TASP1: variants seen among roughly 807,000 people sequenced by gnomAD.
TASP1 encodes threonine aspartase 1.
TASP1 carries 16 observed loss-of-function variants against 56.6 expected under a neutral mutation model. That is an observed-to-expected ratio of 0.28 (90% CI 0.19 to 0.43). TASP1 has a LOEUF of 0.43. Among genes scored for constraint, TASP1 ranks in the 20% least tolerant of loss-of-function variants. The pLI, the probability that TASP1 is intolerant of heterozygous loss-of-function variation, is 1.00. For synonymous variants in TASP1, 179 were observed against 184.2 expected (o/e 0.97, Z 0.23); for missense variants, 393 against 511.6 (o/e 0.77, Z 2.24).
At chr20:13,404,938 A>G (rs73901157) in intron 13 of TASP1, among the ~76,000 whole-genome samples, 4,361 of 152,268 alleles carry the variant, frequency 0.029, 202 homozygotes, top group African/African-American at 0.097. Context: ...TCTTAATACC[A>G]CAAAGCCACC....
At chr20:13,252,936 C>T in the TASP1 span, among the ~76,000 whole-genome samples, 1 of 152,150 alleles carries the variant, frequency 6.6e-6, no homozygotes, top group Non-Finnish European at 1.5e-5. Context: ...CCCAGCCCCC[C>T]CTCTCAGATC....
At chr20:13,156,148 G>T in the TASP1 span, among the ~76,000 whole-genome samples, 1 of 152,056 alleles carries the variant, frequency 6.6e-6, no homozygotes, top group Admixed American at 6.5e-5. Context: ...TCCAAACTTG[G>T]CTCAGGTTTA....
At chr20:13,374,155 T>C in the TASP1 span, among the ~76,000 whole-genome samples, 2 of 152,334 alleles carry the variant, frequency 1.3e-5, no homozygotes, top group Middle Eastern at 3.4e-3. Context: ...ATACTGTACT[T>C]CTTTAAGCAT....
At chr20:13,441,789 A>T (rs2043220947) in intron 11 of TASP1, among the ~76,000 whole-genome samples, 1 of 152,182 alleles carries the variant, frequency 6.6e-6, no homozygotes, top group Admixed American at 6.5e-5. Flanking sequence ...GTGACAGTGG[A>T]GGCTGTCTAC....
At chr20:13,559,497 T>G (rs1439467793) in intron 7 of TASP1, among the ~76,000 whole-genome samples, 1 of 152,016 alleles carries the variant, frequency 6.6e-6, no homozygotes, top group Non-Finnish European at 1.5e-5. Context: ...GGAGAAAGTC[T>G]CAATGGTTGA....
chr20:13,168,816 A>G, the TASP1 span: 1 of 152,188 alleles, frequency 6.6e-6, no homozygotes, highest in East Asian at 1.9e-4. Context: ...AGTAAGAACA[A>G]TTTGAAGTCT....
chr20:13,516,162 G>T (rs1568534477), intron 10 of TASP1, among the ~76,000 whole-genome samples: 1 of 152,060 alleles, frequency 6.6e-6, no homozygotes, highest in Non-Finnish European at 1.5e-5. Context: ...ACAGCCCTGT[G>T]CCATAAAAGG....
At chr20:13,244,703 A>G in the TASP1 span, among the ~76,000 whole-genome samples, 36,706 of 152,162 alleles carry the variant, frequency 0.24, 4,543 homozygotes, top group African/African-American at 0.3. Flanking sequence ...GGTTTTGACC[A>G]CATTTTCTAT....
the TASP1 span, among the ~76,000 whole-genome samples, chr20:13,351,759 T>C: frequency 6.6e-6 from 1 of 152,316 alleles, no homozygotes; most frequent in Non-Finnish European, 1.5e-5. Context: ...CATGAAAATG[T>C]CAATTTTGCT....
chr20:13,288,569 C>A, the TASP1 span: 1 of 1,613,984 alleles, frequency 6.2e-7, no homozygotes, highest in Non-Finnish European at 8.5e-7. Context: ...TGACTGGAGT[C>A]TCTGGTCTGT....
chr20:13,218,566 A>T, the TASP1 span, among the ~76,000 whole-genome samples: 33 of 152,248 alleles, frequency 2.2e-4, no homozygotes, highest in Non-Finnish European at 4.0e-4. Context: ...AGTAATAACG[A>T]TATGAATAGG....
At chr20:13,630,442 AC>A (rs2049040748) in intron 1 of TASP1, among the ~76,000 whole-genome samples, 1 of 152,080 alleles carries the variant, frequency 6.6e-6, no homozygotes, top group Non-Finnish European at 1.5e-5. Flanking sequence ...TAATCCCAGC[AC>A]TTTGGGAGGC....
chr20:13,157,216 T>C, the TASP1 span, among the ~76,000 whole-genome samples: 1 of 150,618 alleles, frequency 6.6e-6, no homozygotes. Flanking sequence ...GGCAGATGGA[T>C]CACCTGAGGT....
At position 13,410,491 on chromosome 20, in the gene TASP1, C is replaced by T. The variant is rs142424151; in HGVS notation, c.1170+6957G>A. Among the ~76,000 whole-genome samples, 173 of 152,192 alleles carry T rather than the reference C, an allele frequency of 1.1e-3. 1 individual carries two copies. The highest frequency in any genetic ancestry group is 3.4e-3 in the Middle Eastern group (1 of 294). On this transcript the variant is annotated intron_variant, in intron 13 of 13. Coordinates refer to ENST00000337743, the MANE Select transcript of TASP1 (RefSeq NM_017714.3). Reference sequence around the variant, plus strand: ...TTTTCTGCATCCTCACCAGGACCTGCTATATTTTGTCTTTTTAATAACTGC... The same window carrying T: ...TTTTCTGCATCCTCACCAGGACCTGTTATATTTTGTCTTTTTAATAACTGC...
rs972790596 is a variant in TASP1, at chr20:13,603,017, G to C, written c.283-15647C>G. Among the ~76,000 whole-genome samples, 2 of 151,720 alleles carry C rather than the reference G, an allele frequency of 1.3e-5. 1 individual carries two copies. The highest frequency in any genetic ancestry group is 4.8e-5 in the African/African-American group (2 of 41,278). Reference sequence around the variant, plus strand: ...AGGCCGAGGCAGGTGGATCACCTGAGGTCAGGAGTTCAAGACCAGCCTGGT... The same window carrying C: ...AGGCCGAGGCAGGTGGATCACCTGACGTCAGGAGTTCAAGACCAGCCTGGT... On this transcript the variant is annotated intron_variant, in intron 4 of 13. Transcript: ENST00000337743.
intron 8 of TASP1, among the ~76,000 whole-genome samples, chr20:13,552,654 G>A (rs2046018507): frequency 6.6e-6 from 1 of 152,112 alleles, no homozygotes; most frequent in African/African-American, 2.4e-5. Context: ...CACTGAAAGA[G>A]CAAAAGGTAG....
intron 2 of TASP1, among the ~76,000 whole-genome samples, chr20:13,625,741 G>A (rs1209194344): frequency 6.6e-6 from 1 of 152,192 alleles, no homozygotes; most frequent in Admixed American, 6.5e-5. Flanking sequence ...CATCTCGCAT[G>A]TCCACAACCA....
At chr20:13,284,184 C>T in the TASP1 span, among the ~76,000 whole-genome samples, 1 of 152,246 alleles carries the variant, frequency 6.6e-6, no homozygotes, top group Non-Finnish European at 1.5e-5. Context: ...AATCGGTAGA[C>T]ACTGTCATCT....
At chr20:13,115,418 C>T in the TASP1 span, among the ~76,000 whole-genome samples, 2 of 152,046 alleles carry the variant, frequency 1.3e-5, no homozygotes, top group African/African-American at 4.8e-5. Flanking sequence ...CTAGACCAGC[C>T]CCATGGAAGG....
Sources: gnomAD v4.1 joint callset for allele counts (sites outside exome capture counted in the v4.1 genomes callset) on GRCh38, gnomAD v4.1.1 for gene constraint, MANE v1.5 for transcripts, NCBI Gene and HGNC (gene_info 2026-07-23, HGNC 2026-07-21) for gene names.